Variants in MBD5 observed in about 807,000 individuals in gnomAD.
The protein encoded by MBD5 is methyl-CpG-binding domain protein 5.
In MBD5, 13 loss-of-function variants were observed where a neutral mutation model predicts 117.3. The observed-to-expected ratio is 0.11, with a 90% CI of 0.07 to 0.18. MBD5 has a LOEUF of 0.18. MBD5 is among the 10% of genes least tolerant of loss of function. The probability of loss-of-function intolerance (pLI) is 1.00; values close to 1 mark genes in which losing one functional copy is unlikely to be tolerated. For missense variants in MBD5, 1,879 were observed against 2,093.8 expected (o/e 0.90, Z 2.00); for synonymous variants, 727 against 766.4 (o/e 0.95, Z 0.85).
chr2:148,462,714 T>A, intron 6 of MBD5, 30 bp downstream of exon 6: 2 of 1,392,218 alleles, frequency 1.4e-6, no homozygotes, highest in Non-Finnish European at 2.0e-6. Flanking sequence ...TCTACAGCAG[T>A]GTTTTATTTT....
intron 1 of MBD5, among the ~76,000 whole-genome samples, chr2:148,064,822 C>A (rs978632064): frequency 6.6e-5 from 10 of 151,992 alleles, no homozygotes; most frequent in African/African-American, 2.2e-4. Context: ...TCTTTTATTT[C>A]TTTAGTAATT....
At position 148,468,402 on chromosome 2, in the gene MBD5, T is replaced by G. The variant is rs779994844; in HGVS notation, c.459T>G (p.His153Gln). ...CAAGATCAGTAAGAAATAAGTCTCATGAAGGAATTACAAATTCTGTAATGC... is the reference window on the plus strand; with the variant it reads ...CAAGATCAGTAAGAAATAAGTCTCAGGAAGGAATTACAAATTCTGTAATGC... Reference protein sequence around the residue: ...ATPRSVRNKSHEGITNSVMPE... With the variant: ...ATPRSVRNKSQEGITNSVMPE... The change falls in exon 8 of 14, where the codon CAT becomes CAG. Residue 153 changes from histidine (H) to glutamine (Q), a missense_variant. Transcript: ENST00000642680. 2 of 1,613,740 alleles carry G rather than the reference T, an allele frequency of 1.2e-6. No homozygotes were observed. Among genetic ancestry groups the G allele is most frequent in the Non-Finnish European group, 1.7e-6 (2 of 1,179,806 alleles).
intron 3 of MBD5, among the ~76,000 whole-genome samples, chr2:148,246,033 T>C (rs188954863): frequency 6.6e-6 from 1 of 152,306 alleles, no homozygotes; most frequent in Non-Finnish European, 1.5e-5. Flanking sequence ...CATGTAGTTA[T>C]TATTGGCAAG....
intron 4 of MBD5, among the ~76,000 whole-genome samples, chr2:148,443,516 A>G (rs1706394656): frequency 1.3e-5 from 2 of 151,542 alleles, no homozygotes; most frequent in Admixed American, 1.3e-4. Flanking sequence ...GAATGGATAA[A>G]GAAAATGTAG....
At chr2:148,436,298 A>G (rs1706155680) in intron 4 of MBD5, among the ~76,000 whole-genome samples, 3 of 152,186 alleles carry the variant, frequency 2.0e-5, no homozygotes, top group Admixed American at 6.5e-5. Context: ...AAAGTGTACA[A>G]GATTTATTTG....
At chr2:148,422,472 A>G (rs189296569) in intron 4 of MBD5, among the ~76,000 whole-genome samples, 235 of 152,352 alleles carry the variant, frequency 1.5e-3, no homozygotes, top group African/African-American at 5.3e-3. Flanking sequence ...CCACGAAGAT[A>G]GGGAGAAACC....
At chr2:148,255,717 G>C (rs1181141297) in intron 3 of MBD5, among the ~76,000 whole-genome samples, 1 of 152,200 alleles carries the variant, frequency 6.6e-6, no homozygotes, top group Non-Finnish European at 1.5e-5. Flanking sequence ...TCGAGGTTTA[G>C]AGCACCAGGT....
chr2:148,279,508 A>T (rs1701192127), intron 3 of MBD5, among the ~76,000 whole-genome samples: 2 of 152,214 alleles, frequency 1.3e-5, no homozygotes, highest in Non-Finnish European at 2.9e-5. Context: ...CTACTGAAAC[A>T]TTGAGAGTAA....
chr2:148,499,610 G>C (rs1286307862), intron 11 of MBD5, among the ~76,000 whole-genome samples: 1 of 152,162 alleles, frequency 6.6e-6, no homozygotes, highest in East Asian at 1.9e-4. Context: ...TCTTAAATTA[G>C]TTGCTCCTTT....
chr2:148,385,443 TA>T (rs1173407840), intron 4 of MBD5, among the ~76,000 whole-genome samples: 32 of 152,094 alleles, frequency 2.1e-4, no homozygotes, highest in Non-Finnish European at 4.6e-4. Flanking sequence ...TGGCGATCAT[TA>T]AAAAGTCAGG....
chr2:148,416,248 T>C (rs1354509580), intron 4 of MBD5, among the ~76,000 whole-genome samples: 1 of 152,230 alleles, frequency 6.6e-6, no homozygotes, highest in Non-Finnish European at 1.5e-5. Flanking sequence ...TCAGCACTCA[T>C]GGGCTGCATG....
intron 3 of MBD5, among the ~76,000 whole-genome samples, chr2:148,272,472 T>A (rs1037562620): frequency 1.3e-5 from 2 of 152,212 alleles, no homozygotes; most frequent in African/African-American, 4.8e-5. Flanking sequence ...TCGTAATAGC[T>A]ATTCTAACAA....
intron 4 of MBD5, among the ~76,000 whole-genome samples, chr2:148,405,358 G>A (rs1705044245): frequency 6.6e-6 from 1 of 152,196 alleles, no homozygotes; most frequent in Non-Finnish European, 1.5e-5. Context: ...CTGAGAATAA[G>A]TCTGCTTACT....
At chr2:148,184,260 G>A (rs1383650849) in intron 2 of MBD5, among the ~76,000 whole-genome samples, 1 of 152,020 alleles carries the variant, frequency 6.6e-6, no homozygotes. Context: ...TGGTCCTCCC[G>A]CCTTGGCTTC....
At chr2:148,265,063 A>ACG (rs1288333181) in intron 3 of MBD5, 8 of 100,906 alleles carry the variant, frequency 7.9e-5, no homozygotes, top group African/African-American at 6.7e-5. Context: ...ATGTAGACAC[A>ACG]CGCACACACA....
intron 3 of MBD5, among the ~76,000 whole-genome samples, chr2:148,309,514 A>G (rs1246333898): frequency 1.3e-5 from 2 of 152,190 alleles, no homozygotes; most frequent in Admixed American, 1.3e-4. Context: ...ACTTTGCTGA[A>G]GTTGCTTATC....
chr2:148,183,012 G>C (rs1698565424), intron 2 of MBD5, among the ~76,000 whole-genome samples: 1 of 152,138 alleles, frequency 6.6e-6, no homozygotes, highest in Non-Finnish European at 1.5e-5. Context: ...CACTACGACA[G>C]TATCCTGCTT....
intron 1 of MBD5, among the ~76,000 whole-genome samples, chr2:148,117,564 AG>A (rs1339272428): frequency 1.3e-5 from 2 of 152,164 alleles, no homozygotes; most frequent in African/African-American, 4.8e-5. Flanking sequence ...TATTTTTTTA[AG>A]CCAGATGAAA....
chr2:148,418,052 C>A (rs898755046), intron 4 of MBD5, among the ~76,000 whole-genome samples: 2 of 152,042 alleles, frequency 1.3e-5, no homozygotes, highest in Non-Finnish European at 2.9e-5. Context: ...GTTGCCCAAG[C>A]TGGTCTTGAA....
Sources: gnomAD v4.1 joint callset for allele counts (sites outside exome capture counted in the v4.1 genomes callset) on GRCh38, gnomAD v4.1.1 for gene constraint, MANE v1.5 for transcripts, NCBI Gene and HGNC (gene_info 2026-07-23, HGNC 2026-07-21) for gene names.